TRIO: variants seen among roughly 807,000 people sequenced by gnomAD.
The protein encoded by TRIO is trio Rho guanine nucleotide exchange factor.
A neutral mutation model predicts 351.9 loss-of-function variants in TRIO; 58 were observed. The ratio of observed to expected loss-of-function variants is 0.16; its 90% CI spans 0.13 to 0.21. TRIO has a LOEUF of 0.21. TRIO is among the 10% of genes least tolerant of loss of function. TRIO has a pLI of 1.00. For synonymous variants in TRIO, 1,758 were observed against 1,595.7 expected (o/e 1.10, Z -2.42); for missense variants, 3,201 against 4,027.8 (o/e 0.79, Z 5.56).
intron 1 of TRIO, among the ~76,000 whole-genome samples, chr5:14,243,546 A>G (rs931120081): frequency 6.6e-6 from 1 of 152,178 alleles, no homozygotes; most frequent in African/African-American, 2.4e-5. Context: ...TGTATGTCAA[A>G]TAGAGGTCAT....
intron 1 of TRIO, among the ~76,000 whole-genome samples, chr5:14,144,928 C>T (rs1178211499): frequency 2.7e-5 from 2 of 73,802 alleles, no homozygotes; most frequent in African/African-American, 1.3e-4. Context: ...GCGGCGGCCT[C>T]GGGGCCGGCA....
At chr5:14,288,093 C>G (rs1030855960) in intron 4 of TRIO, among the ~76,000 whole-genome samples, 2 of 152,146 alleles carry the variant, frequency 1.3e-5, no homozygotes, top group Non-Finnish European at 2.9e-5. Context: ...GAAAGATGAA[C>G]CCAGTAAGCC....
intron 23 of TRIO, among the ~76,000 whole-genome samples, chr5:14,388,284 G>A (rs1746724448): frequency 6.6e-6 from 1 of 152,174 alleles, no homozygotes; most frequent in African/African-American, 2.4e-5. Context: ...GGGAGGGGGA[G>A]GGAGTGCTGT....
chr5:14,188,875 CAAGTCGAA>C (rs1277341615), intron 1 of TRIO, among the ~76,000 whole-genome samples: 1 of 152,260 alleles, frequency 6.6e-6, no homozygotes, highest in Non-Finnish European at 1.5e-5. Context: ...TGATGTAGTT[CAAGTCGAA>C]ATACTAGCAT....
chr5:14,292,233 C>T (rs1021572745), intron 5 of TRIO, among the ~76,000 whole-genome samples: 1 of 152,158 alleles, frequency 6.6e-6, no homozygotes, highest in African/African-American at 2.4e-5. Context: ...ATTACTAAAG[C>T]TTTTAATGTA....
chr5:14,180,295 C>T (rs916836842), intron 1 of TRIO, among the ~76,000 whole-genome samples: 1 of 151,896 alleles, frequency 6.6e-6, no homozygotes, highest in African/African-American at 2.4e-5. Context: ...GCTTCCTATT[C>T]TCATTGGATT....
At chr5:14,303,090 G>A (rs181779) in intron 7 of TRIO, among the ~76,000 whole-genome samples, 5 of 143,900 alleles carry the variant, frequency 3.5e-5, no homozygotes, top group East Asian at 2.2e-4. Flanking sequence ...AGATTGAGCC[G>A]GGATTGGGAT....
intron 9 of TRIO, among the ~76,000 whole-genome samples, chr5:14,321,728 A>G (rs1334150631): frequency 6.6e-6 from 1 of 152,118 alleles, no homozygotes; most frequent in Non-Finnish European, 1.5e-5. Context: ...CTCATCTTGA[A>G]TTGTAGTTCC....
At position 14,487,981 on chromosome 5, in the gene TRIO, C is replaced by G. The variant is rs1301190796; in HGVS notation, c.7353C>G (p.Ala2451=). The change falls in exon 48 of 57, where the codon GCC becomes GCG. Residue 2451 remains alanine (A), a synonymous_variant. Coordinates refer to ENST00000344204, the MANE Select transcript of TRIO (RefSeq NM_007118.4). ...CCCTGCCGCTTGGGAAGCCCCGGGC[C>G]GGGGCCGCTTCGCCGCTGAACTCGC... ...LGTLPLGKPR[A]GAASPLNSPL... 8 of 1,556,260 alleles carry G rather than the reference C, an allele frequency of 5.1e-6. No homozygotes were observed. In the African/African-American group the frequency reaches 8.2e-5, roughly 16 times the overall value.
At chr5:14,447,064 C>G (rs1286685951) in intron 34 of TRIO, among the ~76,000 whole-genome samples, 1 of 152,172 alleles carries the variant, frequency 6.6e-6, no homozygotes, top group Non-Finnish European at 1.5e-5. Flanking sequence ...AAACCTGTCT[C>G]TACTAAAATA....
chr5:14,150,883 C>G (rs1206332233), intron 1 of TRIO, among the ~76,000 whole-genome samples: 1 of 152,164 alleles, frequency 6.6e-6, no homozygotes, highest in Admixed American at 6.6e-5. Context: ...AATAAAGATT[C>G]TTTCCTGGGA....
chr5:14,418,131 G>A (rs1206611317), intron 33 of TRIO, among the ~76,000 whole-genome samples: 3 of 152,166 alleles, frequency 2.0e-5, no homozygotes, highest in South Asian at 2.1e-4. Context: ...GGGACTTCTC[G>A]GAGCCAGTGG....
intron 1 of TRIO, among the ~76,000 whole-genome samples, chr5:14,162,122 G>A (rs1367046200): frequency 4.6e-5 from 7 of 152,214 alleles, no homozygotes; most frequent in Admixed American, 4.6e-4. Flanking sequence ...TTGGAGTAAG[G>A]TGTAAGTGCA....
At chr5:14,345,275 C>T (rs762268985) in intron 11 of TRIO, among the ~76,000 whole-genome samples, 5 of 152,040 alleles carry the variant, frequency 3.3e-5, no homozygotes, top group East Asian at 1.9e-4. Flanking sequence ...TCATAGTCAC[C>T]GAGTAGATGA....
At chr5:14,151,368 TTGTGTGTGTGTGTGTGTTTGTGTG>T (rs1236170983) in intron 1 of TRIO, among the ~76,000 whole-genome samples, 5 of 123,406 alleles carry the variant, frequency 4.1e-5, no homozygotes, top group Non-Finnish European at 6.7e-5. Flanking sequence ...TGTTTTTTCA[TTGTGTGTGTGTGTGTGTTTGTGTG>T]TGTGTGTGTG....
rs565551421 is a variant in TRIO, at chr5:14,474,448, T to TA, written c.6083+353dup. On this transcript the variant is annotated intron_variant, in intron 40 of 56. Coordinates refer to ENST00000344204, the MANE Select transcript of TRIO (RefSeq NM_007118.4). ...ATTCTTCATCTGCACACCCACATTA[T>TA]AATGTGGGTTTTTTGTGAAGAGTGA... Among the ~76,000 whole-genome samples the TA allele has an allele frequency of 1.4e-3, 209 of 152,284 alleles. 8 individuals carry two copies. In the South Asian group the frequency reaches 0.042, roughly 31 times the overall value.
chr5:14,341,137 C>T (rs180790922), intron 11 of TRIO, among the ~76,000 whole-genome samples: 3 of 152,160 alleles, frequency 2.0e-5, no homozygotes, highest in Non-Finnish European at 4.4e-5. Flanking sequence ...CACTCTTAGT[C>T]CCCCTGCAGT....
At chr5:14,145,552 TC>T (rs1047326248) in intron 1 of TRIO, among the ~76,000 whole-genome samples, 1 of 150,234 alleles carries the variant, frequency 6.7e-6, no homozygotes, top group African/African-American at 2.5e-5. Flanking sequence ...CCGTCTTACC[TC>T]TTAATAGCAG....
intron 1 of TRIO, among the ~76,000 whole-genome samples, chr5:14,176,424 C>T (rs911257510): frequency 8.5e-5 from 13 of 152,084 alleles, no homozygotes; most frequent in South Asian, 6.2e-4. Context: ...GAGCCGAGAT[C>T]GCGCCACCGC....
Sources: gnomAD v4.1 joint callset for allele counts (sites outside exome capture counted in the v4.1 genomes callset) on GRCh38, gnomAD v4.1.1 for gene constraint, MANE v1.5 for transcripts, NCBI Gene and HGNC (gene_info 2026-07-23, HGNC 2026-07-21) for gene names.